The following MACF1 variants were observed in gnomAD, a reference collection of about 807,000 sequenced individuals.
The protein encoded by MACF1 is microtubule-actin cross-linking factor 1.
MACF1 carries 193 observed loss-of-function variants against 854.8 expected under a neutral mutation model. The observed-to-expected ratio is 0.23, with a 90% CI of 0.20 to 0.25. The LOEUF is 0.25. Among genes scored for constraint, MACF1 ranks in the 10% least tolerant of loss-of-function variants. MACF1 has a pLI of 1.00. For missense variants in MACF1, 7,722 were observed against 8,929.1 expected (o/e 0.86, Z 5.45); for synonymous variants, 3,185 against 3,226.7 (o/e 0.99, Z 0.44).
At chr1:39,447,410 G>A (rs769713976) in intron 80 of MACF1, 22 bp from the exon 81 acceptor site, 1 of 1,612,404 alleles carries the variant, frequency 6.2e-7, no homozygotes, top group Non-Finnish European at 8.5e-7. Context: ...TTCTGTGTGT[G>A]TGTGTTTTAC....
At position 39,334,281 on chromosome 1, in the gene MACF1, C is replaced by A; in HGVS notation, c.7693C>A (p.Leu2565Ile). 1 of 1,613,820 alleles carries A rather than the reference C, an allele frequency of 6.2e-7. No homozygotes were observed. Among genetic ancestry groups the A allele is most frequent in the Non-Finnish European group, 8.5e-7 (1 of 1,179,878 alleles). ...ISLPKAIKLD[L>I]ITSDLKREIQ... ...CCTCCCTAAAGCCATAAAATTAGATCTTATTACCTCAGACCTGAAAAGAGA... is the reference window on the plus strand; with the variant it reads ...CCTCCCTAAAGCCATAAAATTAGATATTATTACCTCAGACCTGAAAAGAGA... The change falls in exon 37 of 101, where the codon CTT becomes ATT. Residue 2565 changes from leucine (L) to isoleucine (I), a missense_variant. Physicochemically the swap from Leu to Ile is conservative, Grantham distance 5 (BLOSUM62 2). Transcript: ENST00000564288.
At chr1:39,178,021 T>G (rs1644054021) in intron 2 of MACF1, among the ~76,000 whole-genome samples, 1 of 151,826 alleles carries the variant, frequency 6.6e-6, no homozygotes, top group African/African-American at 2.4e-5. Context: ...GAATCTGGGC[T>G]GTCAGGGAAA....
intron 40 of MACF1, among the ~76,000 whole-genome samples, chr1:39,342,370 G>A (rs60633536): frequency 0.014 from 2,195 of 152,106 alleles, 37 homozygotes; most frequent in African/African-American, 0.05. Flanking sequence ...ACACACACAT[G>A]TGTCTTTATG....
In MACF1 at chr1:39,379,036, T is replaced by C. The variant is rs660293; in HGVS notation, c.13277-167T>C. Among the ~76,000 whole-genome samples the C allele has an allele frequency of 0.8, 121,426 of 152,156 alleles. 49,217 individuals are homozygous for C. Among genetic ancestry groups the C allele is most frequent in the African/African-American group, 0.94 (39,082 of 41,542 alleles). ...AAACCAGAAAGCAGATTAATGAGAA[T>C]GCTTTTGTTTTGTGTATATAAATGG... On this transcript the variant is annotated intron_variant, in intron 53 of 100. Transcript: ENST00000564288.
Position 39,331,519 on chromosome 1 carries a change from G to A in MACF1, c.4931G>A (p.Ser1644Asn), listed in dbSNP as rs756124845. Residue 1644 changes from serine (S) to asparagine (N), a missense_variant, in exon 37 of 101, where the codon AGT becomes AAT. Ser to Asn is a conservative substitution (Grantham distance 46, BLOSUM62 1). Transcript: ENST00000564288. ...VVEAIEKRIISETVGLKILEA... is the reference protein window; with the variant it reads ...VVEAIEKRIINETVGLKILEA... ...GAAGCAATTGAAAAGAGAATAATCA[G>A]TGAGACAGTTGGACTGAAAATCTTA... The A allele has an allele frequency of 1.2e-6, 2 of 1,614,186 alleles. No individual in the cohort carries two copies. Among genetic ancestry groups the A allele is most frequent in the Non-Finnish European group, 8.5e-7 (1 of 1,180,032 alleles).
At chr1:39,444,901 T>C (rs1451140445) in intron 80 of MACF1, 66 bp downstream of exon 80, 2 of 1,415,738 alleles carry the variant, frequency 1.4e-6, no homozygotes, top group Non-Finnish European at 1.9e-6. Flanking sequence ...AATTGCCATC[T>C]TATTTATATG....
intron 23 of MACF1, among the ~76,000 whole-genome samples, chr1:39,306,367 A>T (rs985063784): frequency 2.6e-5 from 4 of 151,980 alleles, no homozygotes; most frequent in South Asian, 2.1e-4. Flanking sequence ...ACCTCAAGTG[A>T]TCCACCCACC....
At chr1:39,245,353 G>A (rs575821217) in intron 2 of MACF1, among the ~76,000 whole-genome samples, 4 of 152,006 alleles carry the variant, frequency 2.6e-5, no homozygotes, top group Non-Finnish European at 4.4e-5. Context: ...GCAGTGGTGC[G>A]ATCTTGGCTC....
chr1:39,273,954 T>G (rs889380973), intron 6 of MACF1, among the ~76,000 whole-genome samples: 2 of 152,242 alleles, frequency 1.3e-5, no homozygotes, highest in African/African-American at 4.8e-5. Context: ...ATTTTTTAGG[T>G]GTAACAATAG....
At position 39,300,464 on chromosome 1, in the gene MACF1, T is replaced by C. The variant is rs1363273056; in HGVS notation, c.2634+102T>C. ...TGATAAAAGATCAAATTACAGCGTT[T>C]TTAAAATTAGAATTTAAACATGCTG... is the stretch of plus-strand genomic sequence containing the variant. On this transcript the variant is annotated intron_variant, in intron 22 of 100. Transcript: ENST00000564288. 4 of 1,246,534 alleles carry C rather than the reference T, an allele frequency of 3.2e-6. No individual in the cohort carries two copies. In the African/African-American group the frequency reaches 4.7e-5, roughly 15 times the overall value. 77.2% of individuals were successfully genotyped at this position (1,246,534 alleles called of 1,614,324 possible).
At chr1:39,453,916 A>T in intron 88 of MACF1, 66 bp downstream of exon 88, 2 of 1,493,732 alleles carry the variant, frequency 1.3e-6, no homozygotes, top group Non-Finnish European at 1.8e-6. Context: ...ATAGTATAGT[A>T]TTTTTCCCCC....
intron 5 of MACF1, among the ~76,000 whole-genome samples, chr1:39,256,805 A>T (rs1279493341): frequency 1.3e-5 from 2 of 151,326 alleles, no homozygotes; most frequent in Non-Finnish European, 2.9e-5. Context: ...TGTGACAAAG[A>T]TGGGATAATG....
intron 68 of MACF1, 108 bp from the exon 69 acceptor site, chr1:39,434,301 ATAATT>A (rs1643925048): frequency 2.1e-6 from 1 of 465,682 alleles, no homozygotes; most frequent in African/African-American, 2.0e-5. Context: ...ATATTTTAAA[ATAATT>A]TAGTTATGTA....
At chr1:39,254,835 G>C (rs1014104811) in intron 5 of MACF1, among the ~76,000 whole-genome samples, 10 of 152,158 alleles carry the variant, frequency 6.6e-5, no homozygotes, top group Non-Finnish European at 1.5e-4. Context: ...TAAGTGAGCA[G>C]TTTAATACAG....
At chr1:39,482,003 C>T (rs1160344241) in intron 99 of MACF1, among the ~76,000 whole-genome samples, 1 of 152,196 alleles carries the variant, frequency 6.6e-6, no homozygotes, top group East Asian at 1.9e-4. Flanking sequence ...TGCTTTTCTT[C>T]TTTCCTTAAT....
chr1:39,205,938 A>G (rs1644445182), intron 1 of MACF1, among the ~76,000 whole-genome samples: 2 of 152,128 alleles, frequency 1.3e-5, no homozygotes, highest in Admixed American at 1.3e-4. Context: ...GAGGATTCAT[A>G]TGGTCTAACT....
rs181564511 is a variant in MACF1, at chr1:39,219,918, T to G, written c.110-11264T>G. Among the ~76,000 whole-genome samples, 777 of 152,016 alleles carry G rather than the reference T, an allele frequency of 5.1e-3. 6 individuals carry two copies. The highest frequency in any genetic ancestry group is 0.017 in the African/African-American group (717 of 41,474). On this transcript the variant is annotated intron_variant, in intron 1 of 100. Transcript: ENST00000564288. ...GGCTTGTGCCACCACTCCCAGCTCA[T>G]TTTTGTATTTTTAGTAGAGACGGGG...
intron 58 of MACF1, among the ~76,000 whole-genome samples, chr1:39,396,990 CATAAACT>C (rs1406437744): frequency 6.6e-6 from 1 of 152,132 alleles, no homozygotes; most frequent in East Asian, 1.9e-4. Flanking sequence ...TCTAGGACGT[CATAAACT>C]ATTTTTCTAC....
Position 39,453,116 on chromosome 1 carries a change from G to C in MACF1, c.20742+304G>C, listed in dbSNP as rs142832570. ...TCTTCTTTACTCCTCACCTGCATAC[G>C]CCTTTGTTTGCCTTATGTTACCAGC... On this transcript the variant is annotated intron_variant, in intron 87 of 100. Transcript: ENST00000564288. 4.4e-3 allele frequency among the ~76,000 whole-genome samples: 663 copies of C among 152,110 alleles called. 5 individuals carry two copies. The highest frequency in any genetic ancestry group is 0.014 in the African/African-American group (601 of 41,482).
Sources: allele counts gnomAD v4.1 joint callset (sites outside exome capture counted in the v4.1 genomes callset), GRCh38; gene constraint gnomAD v4.1.1; transcripts MANE v1.5; gene names NCBI Gene and HGNC (gene_info 2026-07-23, HGNC 2026-07-21).